ZBTB44: variants seen among roughly 807,000 people sequenced by gnomAD.
The protein encoded by ZBTB44 is zinc finger and BTB domain containing 44.
A neutral mutation model predicts 54.0 loss-of-function variants in ZBTB44; 15 were observed. The ratio of observed to expected loss-of-function variants is 0.28; its 90% CI spans 0.19 to 0.43. The LOEUF is 0.43. ZBTB44 is among the 20% of genes least tolerant of loss of function. The pLI, the probability that ZBTB44 is intolerant of heterozygous loss-of-function variation, is 1.00. For missense variants in ZBTB44, 487 were observed against 707.1 expected (o/e 0.69, Z 3.53); for synonymous variants, 230 against 250.1 (o/e 0.92, Z 0.76).
chr11:130,308,179 C>A (rs1190565725), intron 1 of ZBTB44, among the ~76,000 whole-genome samples: 1 of 152,142 alleles, frequency 6.6e-6, no homozygotes, highest in Non-Finnish European at 1.5e-5. Flanking sequence ...ACCATATAAC[C>A]TAGATGTAGA....
intron 1 of ZBTB44, chr11:130,296,867 A>G (rs57324737): frequency 2.7e-6 from 2 of 734,158 alleles, no homozygotes; most frequent in African/African-American, 3.5e-5. Context: ...ATTTGCCTCA[A>G]GTTGCTCTGC....
rs1018430636 is a variant in ZBTB44, at chr11:130,229,481, C to T, written c.*2283G>A. 2 of 152,066 alleles carry T rather than the reference C, an allele frequency of 1.3e-5. No individual in the cohort carries two copies. The highest frequency in any genetic ancestry group is 4.8e-5 in the African/African-American group (2 of 41,424). 9.4% of individuals were successfully genotyped at this position (152,066 alleles called of 1,614,324 possible). A position where few individuals can be genotyped will look rare whatever the true frequency, so the allele number is the denominator to read the frequency against. ...GAACCATTATTGCTTTTGGCTAATT[C>T]ATCTTGCTGAGGACTTTCCAAATAA... On this transcript the variant is annotated 3_prime_UTR_variant, in exon 8 of 8. Coordinates refer to ENST00000357899, the MANE Select transcript of ZBTB44 (RefSeq NM_001301098.2).
At chr11:130,268,871 C>T (rs952701538) in intron 1 of ZBTB44, among the ~76,000 whole-genome samples, 1 of 150,874 alleles carries the variant, frequency 6.6e-6, no homozygotes, top group Non-Finnish European at 1.5e-5. Context: ...TGAGCCATCA[C>T]GCTCGGCCTC....
chr11:130,287,716 T>C (rs1941049664), intron 1 of ZBTB44, among the ~76,000 whole-genome samples: 1 of 152,026 alleles, frequency 6.6e-6, no homozygotes, highest in East Asian at 1.9e-4. Flanking sequence ...ATTGGAGAAA[T>C]GGAAAAACTT....
intron 7 of ZBTB44, 135 bp from the exon 8 acceptor site, chr11:130,231,850 C>T (rs905577565): frequency 6.6e-6 from 1 of 152,158 alleles, no homozygotes; most frequent in Admixed American, 6.5e-5. Flanking sequence ...AAATTCCTGA[C>T]CTTTCCAGTT....
intron 1 of ZBTB44, among the ~76,000 whole-genome samples, chr11:130,270,257 G>C (rs1471764575): frequency 1.3e-5 from 2 of 152,158 alleles, no homozygotes; most frequent in African/African-American, 4.8e-5. Context: ...ACTGAACTGA[G>C]ATCACTCACT....
Position 130,281,826 on chromosome 11 carries a change from C to T in ZBTB44, c.-56-19897G>A, listed in dbSNP as rs538656733. Among the ~76,000 whole-genome samples, 151 of 152,234 alleles carry T rather than the reference C, an allele frequency of 9.9e-4. 1 individual carries two copies. The highest frequency in any genetic ancestry group is 8.3e-3 in the South Asian group (40 of 4,818). ...TTCGCCGTGTTAGCCAGGATGGTCTCGATCTCCTGGCCTCGTGATCCGCCC... is the reference window on the plus strand; with the variant it reads ...TTCGCCGTGTTAGCCAGGATGGTCTTGATCTCCTGGCCTCGTGATCCGCCC... On this transcript the variant is annotated intron_variant, in intron 1 of 7. Transcript: ENST00000357899.
At chr11:130,266,800 C>T in intron 1 of ZBTB44, among the ~76,000 whole-genome samples, 1 of 152,288 alleles carries the variant, frequency 6.6e-6, no homozygotes, top group East Asian at 1.9e-4. Flanking sequence ...GGAGTTGCTC[C>T]TTGTGGATAA....
chr11:130,249,517 G>A (rs565729768), intron 2 of ZBTB44, among the ~76,000 whole-genome samples: 52 of 152,278 alleles, frequency 3.4e-4, no homozygotes, highest in Middle Eastern at 3.4e-3. Context: ...CAAGATGGCC[G>A]AATAGGAACA....
At position 130,230,489 on chromosome 11, in the gene ZBTB44, A is replaced by G. The variant is rs564270846; in HGVS notation, c.*1275T>C. 7 of 146,870 alleles carry G rather than the reference A, an allele frequency of 4.8e-5. No individual in the cohort carries two copies. Among genetic ancestry groups the G allele is most frequent in the Admixed American group, 1.4e-4 (2 of 14,546 alleles). 9.1% of individuals were successfully genotyped at this position (146,870 alleles called of 1,614,324 possible). ...CGTAACAGGGGATCTAATTACTGTA[A>G]GCCAGAATGATTGCTGAAATGTCAA... On this transcript the variant is annotated 3_prime_UTR_variant, in exon 8 of 8. Transcript: ENST00000357899.
chr11:130,276,681 G>A (rs1444126252), intron 1 of ZBTB44, among the ~76,000 whole-genome samples: 2 of 152,046 alleles, frequency 1.3e-5, no homozygotes, highest in Non-Finnish European at 2.9e-5. Context: ...TGTCCGCCTC[G>A]GCCTCCCAGA....
intron 2 of ZBTB44, among the ~76,000 whole-genome samples, chr11:130,254,261 T>C (rs1017785235): frequency 6.6e-6 from 1 of 152,092 alleles, no homozygotes; most frequent in African/African-American, 2.4e-5. Context: ...CAAAAGAAAC[T>C]ACCATCAGAG....
intron 1 of ZBTB44, among the ~76,000 whole-genome samples, chr11:130,286,456 A>G (rs1003034590): frequency 1.3e-5 from 2 of 152,210 alleles, no homozygotes; most frequent in African/African-American, 4.8e-5. Context: ...CACTATAACT[A>G]CTCAATTCCT....
intron 7 of ZBTB44, chr11:130,232,665 G>C (rs1361697627): frequency 6.6e-6 from 1 of 152,126 alleles, no homozygotes; most frequent in Admixed American, 6.6e-5. Context: ...AAATAAATAT[G>C]TAAGGACAAT....
At chr11:130,285,709 T>C in intron 1 of ZBTB44, 1 of 260,578 alleles carries the variant, frequency 3.8e-6, no homozygotes, top group Non-Finnish European at 7.6e-6. Context: ...TGTCCTCACC[T>C]CTCCAGTTCT....
chr11:130,273,241 AGAGTAT>A (rs1426370532), intron 1 of ZBTB44, among the ~76,000 whole-genome samples: 10 of 151,818 alleles, frequency 6.6e-5, no homozygotes, highest in Non-Finnish European at 1.0e-4. Context: ...GTAAGTTTTC[AGAGTAT>A]GAGTTTTTCT....
At chr11:130,248,873 G>A (rs186429608) in intron 2 of ZBTB44, among the ~76,000 whole-genome samples, 34 of 152,274 alleles carry the variant, frequency 2.2e-4, no homozygotes, top group African/African-American at 7.5e-4. Flanking sequence ...GGAGGCTGAG[G>A]TGGGTGGATC....
chr11:130,276,426 CG>C (rs1565670652), intron 1 of ZBTB44, among the ~76,000 whole-genome samples: 3 of 149,446 alleles, frequency 2.0e-5, no homozygotes, highest in African/African-American at 7.5e-5. Flanking sequence ...ATTTTCTATA[CG>C]TTTCTTTTTT....
intron 2 of ZBTB44, among the ~76,000 whole-genome samples, chr11:130,253,219 G>A (rs1938160890): frequency 6.6e-6 from 1 of 152,142 alleles, no homozygotes; most frequent in South Asian, 2.1e-4. Flanking sequence ...TCTGGCCAGG[G>A]CAATCAGGCA....
Sources: gnomAD v4.1 joint callset for allele counts (sites outside exome capture counted in the v4.1 genomes callset) on GRCh38, gnomAD v4.1.1 for gene constraint, MANE v1.5 for transcripts, NCBI Gene and HGNC (gene_info 2026-07-23, HGNC 2026-07-21) for gene names.